The following CLVS1 variants were observed in gnomAD, a reference collection of about 807,000 sequenced individuals.
The protein encoded by CLVS1 is clavesin 1.
Under a neutral mutation model 33.1 loss-of-function variants are expected in CLVS1, and 10 were observed. The ratio of observed to expected loss-of-function variants is 0.30; its 90% CI spans 0.19 to 0.51. The LOEUF (loss-of-function observed/expected upper bound fraction) is 0.51. Ranked by LOEUF, CLVS1 falls within the 20% of genes least tolerant of loss-of-function variation. The pLI is 0.97. For synonymous variants in CLVS1, 163 were observed against 166.1 expected (o/e 0.98, Z 0.14); for missense variants, 343 against 433.4 (o/e 0.79, Z 1.85).
chr8:61,365,300 G>A (rs1813152697), intron 2 of CLVS1, among the ~76,000 whole-genome samples: 1 of 152,154 alleles, frequency 6.6e-6, no homozygotes, highest in Non-Finnish European at 1.5e-5. Flanking sequence ...GGCCGAGGCG[G>A]GCGGATCACC....
chr8:61,487,177 A>C (rs912989604), intron 5 of CLVS1, among the ~76,000 whole-genome samples: 1 of 152,194 alleles, frequency 6.6e-6, no homozygotes, highest in Non-Finnish European at 1.5e-5. Context: ...CCACAGTATG[A>C]GTGGCAAGGC....
intron 2 of CLVS1, among the ~76,000 whole-genome samples, chr8:61,328,800 C>G (rs1215430389): frequency 6.6e-6 from 1 of 152,166 alleles, no homozygotes; most frequent in Non-Finnish European, 1.5e-5. Flanking sequence ...TTGTTATTAA[C>G]TCCCCTCTAT....
At chr8:61,183,153 G>C (rs538001712) in intron 2 of CLVS1, among the ~76,000 whole-genome samples, 47 of 98,504 alleles carry the variant, frequency 4.8e-4, no homozygotes, top group Non-Finnish European at 8.9e-4. Flanking sequence ...TGGGCAGGGC[G>C]GAGGGGGGCA....
chr8:61,493,510 C>A (rs1052591910), intron 5 of CLVS1, among the ~76,000 whole-genome samples: 21 of 152,320 alleles, frequency 1.4e-4, no homozygotes, highest in Admixed American at 1.4e-3. Context: ...ATCCTATCTT[C>A]ATTTTTACAC....
At chr8:61,222,714 C>A (rs1258143963) in intron 2 of CLVS1, among the ~76,000 whole-genome samples, 2 of 152,130 alleles carry the variant, frequency 1.3e-5, no homozygotes, top group Non-Finnish European at 2.9e-5. Context: ...GAGTTGAGTT[C>A]AAGTCCTGAA....
chr8:61,344,370 A>T (rs1812127606), intron 2 of CLVS1, among the ~76,000 whole-genome samples: 1 of 152,280 alleles, frequency 6.6e-6, no homozygotes, highest in South Asian at 2.1e-4. Context: ...TTCAGATCCA[A>T]CATCCAGATT....
intron 2 of CLVS1, among the ~76,000 whole-genome samples, chr8:61,158,612 G>A (rs1031775022): frequency 2.6e-5 from 4 of 152,056 alleles, no homozygotes; most frequent in African/African-American, 9.7e-5. Flanking sequence ...GGATAAAGCA[G>A]CTCTCACAGG....
rs117026252 is a variant in CLVS1 at position 61,443,511 on chromosome 8, A to C, written c.631-10630A>C. ...ATTTGTTGAAAACTATCTTTATGCC[A>C]CTGGAGTGCTTTTATACCTTAGTCA... On this transcript the variant is annotated intron_variant, in intron 3 of 5. Coordinates refer to ENST00000325897, the MANE Select transcript of CLVS1 (RefSeq NM_173519.3). Among the ~76,000 whole-genome samples the C allele has an allele frequency of 6.7e-3, 1,017 of 152,192 alleles. 3 individuals are homozygous for C. Among genetic ancestry groups the C allele is most frequent in the Non-Finnish European group, 0.01 (709 of 67,988 alleles).
the CLVS1 span, chr8:60,965,962 C>T: frequency 6.0e-6 from 1 of 166,114 alleles, no homozygotes; most frequent in Non-Finnish European, 1.3e-5. Context: ...CAGGTACCCA[C>T]CACCATGCCT....
At chr8:61,282,698 A>T (rs1345098684) in intron 2 of CLVS1, among the ~76,000 whole-genome samples, 1 of 152,220 alleles carries the variant, frequency 6.6e-6, no homozygotes, top group Non-Finnish European at 1.5e-5. Context: ...ATACATGGGG[A>T]AAGATTAATA....
the CLVS1 span, among the ~76,000 whole-genome samples, chr8:61,006,437 A>G: frequency 6.6e-6 from 1 of 152,090 alleles, no homozygotes; most frequent in African/African-American, 2.4e-5. Context: ...TGGCCCGAGG[A>G]GGAGGGAAGC....
intron 1 of CLVS1, among the ~76,000 whole-genome samples, chr8:61,120,658 G>T (rs1357704293): frequency 7.4e-6 from 1 of 134,996 alleles, no homozygotes; most frequent in South Asian, 2.7e-4. Flanking sequence ...TGCCCCTGCT[G>T]GGGGGTGCCT....
intron 2 of CLVS1, among the ~76,000 whole-genome samples, chr8:61,369,454 A>T (rs192759557): frequency 6.6e-6 from 1 of 152,268 alleles, no homozygotes; most frequent in African/African-American, 2.4e-5. Context: ...GTGAATTCCC[A>T]TTTTAGACAG....
chr8:61,432,752 A>G (rs1017395641), intron 3 of CLVS1, among the ~76,000 whole-genome samples: 4 of 152,212 alleles, frequency 2.6e-5, no homozygotes, highest in African/African-American at 9.7e-5. Flanking sequence ...TGAGACAACA[A>G]AGTATAAACC....
intron 2 of CLVS1, among the ~76,000 whole-genome samples, chr8:61,247,827 G>T (rs1808850591): frequency 6.6e-6 from 1 of 152,170 alleles, no homozygotes. Context: ...TGTTGCCATT[G>T]TTTCTGGTGT....
intron 1 of CLVS1, among the ~76,000 whole-genome samples, chr8:61,110,890 T>G (rs1006548082): frequency 5.9e-5 from 9 of 152,238 alleles, no homozygotes; most frequent in African/African-American, 2.2e-4. Context: ...TAAGATGGAA[T>G]AATATTACCT....
rs531595048 is a variant in CLVS1, at chr8:61,100,569, T to C, written c.-242-31201T>C. Among the ~76,000 whole-genome samples, 25 of 152,344 alleles carry C rather than the reference T, an allele frequency of 1.6e-4. No individual in the cohort carries two copies. In the South Asian group the frequency reaches 2.7e-3, roughly 16 times the overall value. ...TTTCAAAAACAGCTTAATTGAGATA[T>C]AATTCACATAATCAATTCACCCATT... On this transcript the variant is annotated intron_variant, in intron 1 of 2. Coordinates refer to the CLVS1 transcript ENST00000522621.
chr8:61,017,400 C>T, the CLVS1 span, among the ~76,000 whole-genome samples: 9 of 152,214 alleles, frequency 5.9e-5, 1 homozygote, highest in Admixed American at 1.3e-4. Context: ...TAGCCAGACA[C>T]GGAGGTGCAA....
intron 1 of CLVS1, among the ~76,000 whole-genome samples, chr8:61,060,657 G>T (rs903760915): frequency 6.6e-6 from 1 of 152,166 alleles, no homozygotes; most frequent in African/African-American, 2.4e-5. Context: ...TCCAGGTTAA[G>T]TGGTATCATG....
Sources: gnomAD v4.1 joint callset for allele counts (sites outside exome capture counted in the v4.1 genomes callset) on GRCh38, gnomAD v4.1.1 for gene constraint, MANE v1.5 for transcripts, NCBI Gene and HGNC (gene_info 2026-07-23, HGNC 2026-07-21) for gene names.